The following NKAIN1 variants were observed in gnomAD, a reference collection of about 807,000 sequenced individuals.
The protein encoded by NKAIN1 is sodium/potassium-transporting ATPase subunit beta-1-interacting protein 1.
Under a neutral mutation model 31.6 loss-of-function variants are expected in NKAIN1, and 13 were observed. That is an observed-to-expected ratio of 0.41 (90% CI 0.27 to 0.65). NKAIN1 has a LOEUF of 0.65. Among genes scored for constraint, NKAIN1 ranks in the 30% least tolerant of loss-of-function variants. The pLI is 0.30. For missense variants in NKAIN1, 193 were observed against 262.2 expected, an observed-to-expected ratio of 0.74 and a Z score of 1.82; for synonymous variants, 104 against 109.0, an observed-to-expected ratio of 0.95 and a Z score of 0.28.
chr1:31,196,522 A>AAAG (rs1187613782), intron 1 of NKAIN1, among the ~76,000 whole-genome samples: 1 of 148,336 alleles, frequency 6.7e-6, no homozygotes, highest in Non-Finnish European at 1.5e-5. Flanking sequence ...CAAAAAAAAA[A>AAAG]AAAAAAATAG....
intron 3 of NKAIN1, among the ~76,000 whole-genome samples, chr1:31,184,333 T>A (rs546895676): frequency 6.6e-6 from 1 of 152,242 alleles, no homozygotes; most frequent in Non-Finnish European, 1.5e-5. Context: ...CTGCTCCCCC[T>A]GTGTGCGACC....
rs865852742 is a variant in NKAIN1 at position 31,232,461 on chromosome 1, A to G, written c.54+7033T>C. 9.4e-4 allele frequency among the ~76,000 whole-genome samples: 117 copies of G among 124,368 alleles called. 1 individual carries two copies. The highest frequency in any genetic ancestry group is 3.5e-3 in the African/African-American group (112 of 32,128). 81.6% of individuals were successfully genotyped at this position (124,368 alleles called of 152,430 possible). ...GAGAGAGAGAGAGAGAGAGAGAGAG[A>G]GAGAGAGAGAGTGGGGGAGGTCTCA... On this transcript the variant is annotated intron_variant, in intron 1 of 6. Coordinates refer to ENST00000373736, the MANE Select transcript of NKAIN1 (RefSeq NM_024522.3).
Position 31,198,068 on chromosome 1 carries a change from T to C in NKAIN1, c.55-9881A>G, listed in dbSNP as rs190839745. Among the ~76,000 whole-genome samples the C allele has an allele frequency of 2.6e-4, 40 of 152,336 alleles. No homozygotes were observed. In the Middle Eastern group the frequency reaches 0.01, roughly 39 times the overall value. On this transcript the variant is annotated intron_variant, in intron 1 of 6. Transcript: ENST00000373736. ...TTTTACACACTATTTAGTTATGGTC[T>C]GTCTCCTGCAGTGGATGGCAAGCTT...
At position 31,239,004 on chromosome 1, in the gene NKAIN1, C is replaced by G. The variant is rs959838404; in HGVS notation, c.54+490G>C. ...ATTTAGAGACACACCAAAGAGAAAC[C>G]CTGAGAGACACACGCCGGAGCAGAG... On this transcript the variant is annotated intron_variant, in intron 1 of 6. Transcript: ENST00000373736. The surrounding 1 kb of genome is among the most constrained non-coding windows in gnomAD (Gnocchi z 4.8). 1.3e-5 allele frequency among the ~76,000 whole-genome samples: 2 copies of G among 152,108 alleles called. No individual in the cohort carries two copies. Among genetic ancestry groups the G allele is most frequent in the Admixed American group, 1.3e-4 (2 of 15,266 alleles).
intron 1 of NKAIN1, chr1:31,188,471 TGGAGAAGATGGTG>T: frequency 3.0e-6 from 1 of 333,230 alleles, no homozygotes; most frequent in Admixed American, 4.5e-5. Context: ...CTTCTCCATG[TGGAGAAGATGGTG>T]GGATCAGAAT....
At chr1:31,200,332 C>T (rs1645369971) in intron 1 of NKAIN1, among the ~76,000 whole-genome samples, 1 of 152,060 alleles carries the variant, frequency 6.6e-6, no homozygotes, top group Non-Finnish European at 1.5e-5. Flanking sequence ...TATCTCATAA[C>T]AATAAACAGT....
intron 1 of NKAIN1, among the ~76,000 whole-genome samples, chr1:31,215,580 C>G (rs999062699): frequency 2.4e-4 from 37 of 152,302 alleles, no homozygotes; most frequent in Middle Eastern, 3.4e-3. Flanking sequence ...TCAGCACAGG[C>G]CTCCTGCTCT....
At chr1:31,238,038 A>G (rs1363847102) in intron 1 of NKAIN1, among the ~76,000 whole-genome samples, 1 of 152,182 alleles carries the variant, frequency 6.6e-6, no homozygotes, top group Non-Finnish European at 1.5e-5. Flanking sequence ...GATCTTAATT[A>G]ATTCCCTCTG....
At chr1:31,228,802 C>A (rs957854342) in intron 1 of NKAIN1, among the ~76,000 whole-genome samples, 3 of 152,186 alleles carry the variant, frequency 2.0e-5, no homozygotes, top group East Asian at 1.9e-4. Flanking sequence ...TACTGTGTTG[C>A]CCAGGCTGGT....
Position 31,233,707 on chromosome 1 carries a change from G to A in NKAIN1, c.54+5787C>T, listed in dbSNP as rs1416474789. 6.6e-6 allele frequency among the ~76,000 whole-genome samples: 1 copy of A among 152,198 alleles called. No individual in the cohort carries two copies. The highest frequency in any genetic ancestry group is 2.4e-5 in the African/African-American group (1 of 41,440). On this transcript the variant is annotated intron_variant, in intron 1 of 6. Transcript: ENST00000373736. This position sits in a 1 kb window ranked among gnomAD's most constrained non-coding sequence, Gnocchi z 4.0. ...TAATACAGGCAGAGATGGGGCTGAC[G>A]TGACTTGTCCAAGTCTCAAGGCAAA...
intron 1 of NKAIN1, among the ~76,000 whole-genome samples, chr1:31,217,584 T>C (rs1645523080): frequency 6.6e-6 from 1 of 152,254 alleles, no homozygotes; most frequent in Non-Finnish European, 1.5e-5. Flanking sequence ...CAGCAGACTC[T>C]TGCCCATAAT....
chr1:31,185,135 G>T, intron 3 of NKAIN1, 112 bp downstream of exon 3: 1 of 808,996 alleles, frequency 1.2e-6, no homozygotes, highest in South Asian at 1.6e-5. Context: ...CATGTAAGGA[G>T]AGAGAGACTT....
rs1008604738 is a variant in NKAIN1 at position 31,181,995 on chromosome 1, G to A, written c.533-54C>T. ...GATCGGCGGCGGGGGCGAGGAGAGG[G>A]AGACTGGGTCCTGAAGGGGAAGAAT... is the stretch of plus-strand genomic sequence containing the variant. On this transcript the variant is annotated intron_variant, in intron 5 of 6. Transcript: ENST00000373736. 71 of 1,527,108 alleles carry A rather than the reference G, an allele frequency of 4.6e-5. No homozygotes were observed. In the Middle Eastern group the frequency reaches 5.1e-4, roughly 11 times the overall value. The allele number at this position is 1,527,108 out of a possible 1,614,324, so 94.6% of individuals were successfully genotyped here. A position where few individuals can be genotyped will look rare whatever the true frequency, so the allele number is the denominator to read the frequency against.
intron 1 of NKAIN1, among the ~76,000 whole-genome samples, chr1:31,211,982 G>T (rs931384891): frequency 4.4e-4 from 67 of 151,776 alleles, no homozygotes; most frequent in African/African-American, 1.5e-3. Flanking sequence ...ATATATATAT[G>T]GAGTTCAAAT....
In NKAIN1 at chr1:31,183,436, C is replaced by CTTTTTTTTTTTTTT. The variant is rs3046278; in HGVS notation, c.471+367_471+380dup. 2.2e-4 allele frequency among the ~76,000 whole-genome samples: 24 copies of CTTTTTTTTTTTTTT among 106,686 alleles called. 2 individuals carry two copies. Among genetic ancestry groups the CTTTTTTTTTTTTTT allele is most frequent in the African/African-American group, 1.2e-3 (22 of 17,896 alleles). The allele number at this position is 106,686 out of a possible 152,430, so 70.0% of individuals were successfully genotyped here. On this transcript the variant is annotated intron_variant, in intron 4 of 6. Coordinates refer to ENST00000373736, the MANE Select transcript of NKAIN1 (RefSeq NM_024522.3). ...GGCGGAAGACCTAGGTTCATTCCCT[C>CTTTTTTTTTTTTTT]TTTTTTTTTTTTTTTTTTTTTTTTT...
At chr1:31,216,694 A>ATCTATTTATCTATTTATTTG (rs2148361626) in intron 1 of NKAIN1, among the ~76,000 whole-genome samples, 1 of 145,202 alleles carries the variant, frequency 6.9e-6, no homozygotes, top group Admixed American at 6.8e-5. Context: ...ATTGACTTTT[A>ATCTATTTATCTATTTATTTG]TTTATTTATT....
intron 2 of NKAIN1, among the ~76,000 whole-genome samples, 185 bp from the exon 3 acceptor site, chr1:31,185,512 AG>A (rs1645235672): frequency 6.6e-6 from 1 of 152,220 alleles, no homozygotes; most frequent in Non-Finnish European, 1.5e-5. Context: ...CAGCCCTGCA[AG>A]GTCAGCACTG....
chr1:31,218,070 TTTTTTTTTTTGAGATGGAG>T (rs1645531633), intron 1 of NKAIN1, among the ~76,000 whole-genome samples: 1 of 140,554 alleles, frequency 7.1e-6, no homozygotes, highest in African/African-American at 2.7e-5. Flanking sequence ...CTTTCTTTCT[TTTTTTTTTTTGAGATGGAG>T]TCTCGCTCTG....
rs1180592521 is a variant in NKAIN1, at chr1:31,239,394, GAC to G, written c.54+98_54+99del. ...ACCCCCCGCCCGGGCACACGCACCA[GAC>G]ACACACACAGAGACACACGCAACCC... On this transcript the variant is annotated intron_variant, in intron 1 of 6. Coordinates refer to ENST00000373736, the MANE Select transcript of NKAIN1 (RefSeq NM_024522.3). This position sits in a 1 kb window ranked among gnomAD's most constrained non-coding sequence, Gnocchi z 4.8. 103 of 883,796 alleles carry G rather than the reference GAC, an allele frequency of 1.2e-4. No homozygotes were observed. Among genetic ancestry groups the G allele is most frequent in the Middle Eastern group, 9.5e-4 (3 of 3,170 alleles). The allele number at this position is 883,796 out of a possible 1,614,324, so 54.7% of individuals were successfully genotyped here. A position where few individuals can be genotyped will look rare whatever the true frequency, so the allele number is the denominator to read the frequency against.
Sources: allele counts gnomAD v4.1 joint callset (sites outside exome capture counted in the v4.1 genomes callset), GRCh38; gene constraint gnomAD v4.1.1; non-coding constraint Gnocchi (gnomAD v3.1); transcripts MANE v1.5; gene names NCBI Gene and HGNC (gene_info 2026-07-23, HGNC 2026-07-21).